Variants in HMCN1 observed in about 807,000 individuals in gnomAD.
HMCN1 encodes the protein hemicentin 1, also known as hemicentin-1.
HMCN1 carries 321 observed loss-of-function variants against 625.9 expected under a neutral mutation model. That is an observed-to-expected ratio of 0.51 (90% CI 0.47 to 0.56). The LOEUF (loss-of-function observed/expected upper bound fraction) is 0.56, where lower values mean the gene tolerates loss of function less well. Among genes scored for constraint, HMCN1 ranks in the 20% least tolerant of loss-of-function variants. The pLI is 0.00. For missense variants in HMCN1, 6,588 were observed against 6,887.3 expected, an observed-to-expected ratio of 0.96 and a Z score of 1.54; for synonymous variants, 2,425 against 2,417.6, an observed-to-expected ratio of 1.00 and a Z score of -0.09.
At position 186,093,214 on chromosome 1, in the gene HMCN1, A is replaced by G. The variant is rs200572831; in HGVS notation, c.9968A>G (p.Asn3323Ser). ...GGGAAATACACATGTGTTGCTACTA[A>G]TCCCGCTGGAGAAGAAGACCGAATT... is the stretch of plus-strand genomic sequence containing the variant. ...DTGKYTCVATNPAGEEDRIFN... is the reference protein window; with the variant it reads ...DTGKYTCVATSPAGEEDRIFN... Residue 3323 changes from asparagine to serine, a missense_variant, in exon 65 of 107, where the codon AAT becomes AGT. Physicochemically the swap from Asn to Ser is conservative, Grantham distance 46. Coordinates refer to ENST00000271588, the MANE Select transcript of HMCN1 (RefSeq NM_031935.3). The G allele has an allele frequency of 1.9e-6, 3 of 1,613,364 alleles. No homozygotes were observed. Among genetic ancestry groups the G allele is most frequent in the Admixed American group, 3.3e-5 (2 of 59,852 alleles).
chr1:185,758,653 C>CA (rs1159709484), intron 1 of HMCN1, among the ~76,000 whole-genome samples: 1 of 149,528 alleles, frequency 6.7e-6, no homozygotes, highest in Non-Finnish European at 1.5e-5. Context: ...TAAACAAACA[C>CA]AAAAAACTAG....
chr1:186,062,576 G>T lies in HMCN1; in HGVS notation c.7489G>T (p.Val2497Phe). The change falls in exon 48 of 107, where the codon GTT (valine) becomes TTT (phenylalanine). Residue 2497 changes from valine to phenylalanine, a missense_variant. Physicochemically the swap from Val to Phe is conservative, Grantham distance 50. Around this residue, in one of 3 missense-constraint regions of HMCN1, gnomAD observed 4,628 missense variants for 4,853.1 expected, o/e 0.95. Coordinates refer to ENST00000271588, the MANE Select transcript of HMCN1 (RefSeq NM_031935.3). ...TGTGAAGGTAAAAGAGAAACAGAGT[G>T]TTACGCTGACTTGTGAAGTGACAGG... ...EDVKVKEKQS[V>F]TLTCEVTGNP... The T allele has an allele frequency of 6.2e-7, 1 of 1,612,454 alleles. No individual in the cohort carries two copies. The highest frequency in any genetic ancestry group is 8.5e-7 in the Non-Finnish European group (1 of 1,178,730).
At chr1:185,753,159 T>G (rs1373916080) in intron 1 of HMCN1, among the ~76,000 whole-genome samples, 2 of 152,080 alleles carry the variant, frequency 1.3e-5, no homozygotes, top group Non-Finnish European at 2.9e-5. Context: ...CTTACCCAAC[T>G]AGGAATATAC....
chr1:185,764,937 T>C (rs141684218), intron 1 of HMCN1, among the ~76,000 whole-genome samples: 88 of 152,308 alleles, frequency 5.8e-4, no homozygotes, highest in Non-Finnish European at 4.1e-4. Context: ...TTGCCATTCA[T>C]AGGCAATGCC....
At chr1:186,174,936 A>G (rs1364299504) in intron 103 of HMCN1, among the ~76,000 whole-genome samples, 2 of 152,208 alleles carry the variant, frequency 1.3e-5, no homozygotes, top group African/African-American at 4.8e-5. Context: ...AATTATCAAG[A>G]TTATCTCATT....
At chr1:186,144,399 A>G in intron 90 of HMCN1, 56 bp downstream of exon 90, 1 of 1,600,530 alleles carries the variant, frequency 6.2e-7, no homozygotes, top group Non-Finnish European at 8.6e-7. Flanking sequence ...TATCTTATCT[A>G]GGTAGTATGT....
chr1:185,907,478 C>T (rs569351702), intron 4 of HMCN1, among the ~76,000 whole-genome samples: 14 of 151,898 alleles, frequency 9.2e-5, no homozygotes, highest in South Asian at 2.1e-4. Context: ...AGGCTTCCAG[C>T]CTCATCTTCT....
chr1:185,973,866 T>C (rs1427944394), intron 15 of HMCN1, among the ~76,000 whole-genome samples: 1 of 152,168 alleles, frequency 6.6e-6, no homozygotes, highest in Non-Finnish European at 1.5e-5. Context: ...AGACTTAGAC[T>C]GTGGTTTCAT....
At chr1:185,794,864 T>TA (rs962047948) in intron 1 of HMCN1, among the ~76,000 whole-genome samples, 15 of 152,044 alleles carry the variant, frequency 9.9e-5, no homozygotes, top group East Asian at 3.9e-4. Flanking sequence ...ATGACTTTTG[T>TA]AAAAAAAATG....
chr1:185,779,588 A>G (rs1022151705), intron 1 of HMCN1, among the ~76,000 whole-genome samples: 1 of 152,232 alleles, frequency 6.6e-6, no homozygotes, highest in African/African-American at 2.4e-5. Context: ...TCCCAGGACC[A>G]TTTATTAAAT....
chr1:185,905,125 C>T (rs1666024716), intron 4 of HMCN1, among the ~76,000 whole-genome samples: 2 of 151,822 alleles, frequency 1.3e-5, no homozygotes, highest in South Asian at 4.1e-4. Context: ...GCAGAAAATT[C>T]AGTGCTGAGA....
intron 19 of HMCN1, among the ~76,000 whole-genome samples, chr1:185,986,719 G>A (rs529984474): frequency 1.3e-4 from 20 of 151,396 alleles, no homozygotes; most frequent in East Asian, 7.8e-4. Flanking sequence ...TTGGCTGGGC[G>A]TGGTGGCTTA....
At chr1:186,071,466 C>A (rs1658478661) in intron 52 of HMCN1, among the ~76,000 whole-genome samples, 1 of 152,150 alleles carries the variant, frequency 6.6e-6, no homozygotes, top group South Asian at 2.1e-4. Flanking sequence ...GACATATGTG[C>A]TGTTGATCTT....
chr1:185,877,374 T>C (rs933905170), intron 4 of HMCN1, among the ~76,000 whole-genome samples: 16 of 146,148 alleles, frequency 1.1e-4, no homozygotes, highest in Admixed American at 2.1e-4. Flanking sequence ...CTCGCCTTGT[T>C]GTATAATTTG....
rs780870192 is a variant in HMCN1 at position 186,070,782 on chromosome 1, C to T, written c.8139+25C>T. The T allele has an allele frequency of 2.5e-6, 4 of 1,611,098 alleles. No homozygotes were observed. In the African/African-American group the frequency reaches 4.0e-5, roughly 16 times the overall value. ...GGCCAGTCACAACTTTTTTCATTTG[C>T]TGATGATTTCTTAAAGACTAAAATG... On this transcript the variant is annotated intron_variant, in intron 52 of 106. Transcript: ENST00000271588.
chr1:186,178,480 C>T lies in HMCN1; in HGVS notation c.16008C>T (p.Ser5336=). The T allele has an allele frequency of 6.2e-7, 1 of 1,614,054 alleles. No homozygotes were observed. Among genetic ancestry groups the T allele is most frequent in the South Asian group, 1.1e-5 (1 of 91,070 alleles). ...ATCAGTGCTCCAACACCCCCGGCAG[C>T]TTCAAGTGTATCTGTCCACCAGGAC... ...CAHQCSNTPG[S]FKCICPPGQH... Residue 5336 remains serine (S), a synonymous_variant, in exon 104 of 107, where the codon AGC becomes AGT. Coordinates refer to ENST00000271588, the MANE Select transcript of HMCN1 (RefSeq NM_031935.3).
intron 10 of HMCN1, 151 bp from the exon 11 acceptor site, chr1:185,933,398 C>T: frequency 2.7e-6 from 2 of 739,842 alleles, no homozygotes; most frequent in Admixed American, 4.2e-5. Context: ...TGAGGGGGCT[C>T]ATAGACATAT....
intron 1 of HMCN1, among the ~76,000 whole-genome samples, chr1:185,816,748 G>A (rs910273447): frequency 6.6e-6 from 1 of 152,164 alleles, no homozygotes; most frequent in African/African-American, 2.4e-5. Context: ...TCCCTCAGGA[G>A]AAGTGCCTGG....
intron 97 of HMCN1, among the ~76,000 whole-genome samples, chr1:186,155,994 A>G (rs553483507): frequency 6.6e-6 from 1 of 152,282 alleles, no homozygotes; most frequent in Admixed American, 6.5e-5. Flanking sequence ...TGTATTTTTA[A>G]CACAGACCCT....
Sources: gnomAD v4.1 joint callset for allele counts (sites outside exome capture counted in the v4.1 genomes callset) on GRCh38, gnomAD v4.1.1 for gene constraint, gnomAD v4.1.1 regional missense constraint, MANE v1.5 for transcripts, NCBI Gene and HGNC (gene_info 2026-07-23, HGNC 2026-07-21) for gene names.